The following COL20A1 variants were observed in gnomAD, a reference collection of about 807,000 sequenced individuals.
COL20A1 encodes collagen type XX alpha 1 chain, also known as collagen alpha-1(XX) chain.
COL20A1 carries 164 observed loss-of-function variants against 152.9 expected under a neutral mutation model. The ratio of observed to expected loss-of-function variants is 1.07; its 90% confidence interval spans 0.94 to 1.22. COL20A1 has a LOEUF of 1.22. Among genes scored for constraint, COL20A1 ranks in the 50% most tolerant of loss-of-function variants. The pLI, the probability that COL20A1 is intolerant of heterozygous loss-of-function variation, is 0.00. For missense variants in COL20A1, 1,873 were observed against 1,744.8 expected (o/e 1.07, Z -1.31); for synonymous variants, 864 against 756.0 (o/e 1.14, Z -2.34).
chr20:63,298,190 C>T (rs2067823145), intron 3 of COL20A1, among the ~76,000 whole-genome samples, 170 bp downstream of exon 3: 1 of 152,260 alleles, frequency 6.6e-6, no homozygotes. Flanking sequence ...TCCCCCGTCA[C>T]ATATGACATG....
At position 63,320,348 on chromosome 20, in the gene COL20A1, T is replaced by C; in HGVS notation, c.3133T>C (p.Cys1045Arg). ...TGACACCTGGGCCGATGAGGACCGGTGCTGTGAGCTCCCTGCCTCGGTGTG... is the reference window on the plus strand; with the variant it reads ...TGACACCTGGGCCGATGAGGACCGGCGCTGTGAGCTCCCTGCCTCGGTGTG... The part of the protein sequence containing the change: ...CSDTWADEDR[C>R]CELPASRDGE... Residue 1045 changes from cysteine (C) to arginine (R), a missense_variant, in exon 25 of 36, where the codon TGC (cysteine) becomes CGC (arginine). By Grantham distance (180) the Cys-to-Arg change is radical. Coordinates refer to ENST00000358894, the MANE Select transcript of COL20A1 (RefSeq NM_020882.4). The C allele has an allele frequency of 6.2e-7, 1 of 1,611,304 alleles. No homozygotes were observed. Among genetic ancestry groups the C allele is most frequent in the Non-Finnish European group, 8.5e-7 (1 of 1,179,834 alleles).
At position 63,312,937 on chromosome 20, in the gene COL20A1, G is replaced by A. The variant is rs2123406192; in HGVS notation, c.2076+3G>A. The A allele has an allele frequency of 6.5e-7, 1 of 1,545,334 alleles. No homozygotes were observed. Among genetic ancestry groups the A allele is most frequent in the East Asian group, 2.4e-5 (1 of 41,018 alleles). ...TGGGAGAGGGGAAGGCTCACGAGGT[G>A]GGCAGGGGTGGGTTTGTCCTTCCGA... is the stretch of plus-strand genomic sequence containing the variant. On this transcript the variant is annotated splice_donor_region_variant and intron_variant, in intron 16 of 35. Coordinates refer to ENST00000358894, the MANE Select transcript of COL20A1 (RefSeq NM_020882.4).
At chr20:63,314,282 C>G in intron 19 of COL20A1, 81 bp downstream of exon 19, 1 of 1,302,100 alleles carries the variant, frequency 7.7e-7, no homozygotes, top group East Asian at 2.5e-5. Flanking sequence ...CAGCTCCAGA[C>G]TCATCCAACC....
At chr20:63,297,004 GCCGCCC>G (rs1223215725) in intron 2 of COL20A1, among the ~76,000 whole-genome samples, 9 of 152,210 alleles carry the variant, frequency 5.9e-5, no homozygotes, top group Non-Finnish European at 8.8e-5. Context: ...CCAGGCCCCT[GCCGCCC>G]CCTCTTCCTC....
rs531068176 is a variant in COL20A1, at chr20:63,313,983, C to T, written c.2359-89C>T. 3.7e-5 allele frequency: 60 copies of T among 1,600,068 alleles called. No individual in the cohort carries two copies. Among genetic ancestry groups the T allele is most frequent in the Non-Finnish European group, 4.8e-5 (56 of 1,173,262 alleles). ...TGTCTGCGAAGGGTGGCAGCTCTGC[C>T]ATGGCGGGACGCAGAGGGAGGCAGC... On this transcript the variant is annotated intron_variant, in intron 18 of 35. Transcript: ENST00000358894. This position sits in a 1 kb window ranked among gnomAD's most constrained non-coding sequence, Gnocchi z 5.9.
chr20:63,330,420 G>C (rs2068318009), intron 35 of COL20A1, among the ~76,000 whole-genome samples: 1 of 152,144 alleles, frequency 6.6e-6, no homozygotes, highest in Admixed American at 6.5e-5. Flanking sequence ...GGTAAGGCTG[G>C]GGCAAGAGGG....
chr20:63,334,668 C>T lies in COL20A1; in HGVS notation c.*3952C>T, dbSNP rs561141185. ...TGAACTTCTGAGCTCAAACGATCCA[C>T]CCTCCTTGGCCTCCCAAAGTGGTGG... On this transcript the variant is annotated 3_prime_UTR_variant, in exon 36 of 36. Transcript: ENST00000358894. 1 of 152,356 alleles carries T rather than the reference C, an allele frequency of 6.6e-6. No homozygotes were observed. The highest frequency in any genetic ancestry group is 2.1e-4 in the South Asian group (1 of 4,830). The allele number at this position is 152,356 out of a possible 1,614,324, so 9.4% of individuals were successfully genotyped here.
chr20:63,327,026 G>GGGACTTCCTGGTGACAGCCCAT (rs1236502738), intron 31 of COL20A1, among the ~76,000 whole-genome samples: 1 of 151,986 alleles, frequency 6.6e-6, no homozygotes, highest in Non-Finnish European at 1.5e-5. Context: ...GACCCCCCTA[G>GGGACTTCCTGGTGACAGCCCAT]GGACTTCCTG....
At chr20:63,324,550 T>C (rs1036053793) in intron 27 of COL20A1, 3 of 152,290 alleles carry the variant, frequency 2.0e-5, no homozygotes, top group African/African-American at 4.8e-5. Context: ...CTAGTGCTGT[T>C]ATGGACATAA....
chr20:63,305,565 G>A lies in COL20A1; in HGVS notation c.337+5G>A, dbSNP rs2067914118. The A allele has an allele frequency of 1.3e-6, 2 of 1,587,586 alleles. No individual in the cohort carries two copies. The highest frequency in any genetic ancestry group is 1.7e-6 in the Non-Finnish European group (2 of 1,168,842). ...TAGCTCGGAGGGAGTTTGTGAGTAA[G>A]TCCACCGTCTGCCAGCTGGGTACCC... On this transcript the variant is annotated splice_donor_5th_base_variant and intron_variant, in intron 4 of 35. Transcript: ENST00000358894. This position sits in a 1 kb window ranked among gnomAD's most constrained non-coding sequence, Gnocchi z 4.9.
In COL20A1 at chr20:63,309,909, C is replaced by T. The variant is rs370343751; in HGVS notation, c.1257C>T (p.Pro419=). The T allele has an allele frequency of 6.3e-7, 1 of 1,599,214 alleles. No individual in the cohort carries two copies. Among genetic ancestry groups the T allele is most frequent in the Admixed American group, 1.7e-5 (1 of 58,660 alleles). Residue 419 remains proline, a synonymous_variant, in exon 10 of 36, where the codon CCC becomes CCT. Transcript: ENST00000358894. The part of the protein sequence containing the change: ...IVWRASRGGT[P]REVVVEGPAA... ...GGCGAGCCTCTAGAGGTGGCACCCC[C>T]AGGGAGGTGAGGGGGCCGGTATACA...
In COL20A1 at chr20:63,326,089, C is replaced by T. The variant is rs761218988; in HGVS notation, c.3403-7C>T. On this transcript the variant is annotated splice_polypyrimidine_tract_variant and splice_region_variant and intron_variant, in intron 29 of 35. Coordinates refer to ENST00000358894, the MANE Select transcript of COL20A1 (RefSeq NM_020882.4). ...CCCACCCAGCTTGCGCCTTCCTTTG[C>T]CATCAGGGAATGAGAGGCCTGGAGG... The T allele has an allele frequency of 3.7e-6, 6 of 1,612,480 alleles. No individual in the cohort carries two copies. Among genetic ancestry groups the T allele is most frequent in the Non-Finnish European group, 5.1e-6 (6 of 1,179,418 alleles).
chr20:63,329,605 C>T lies in COL20A1; in HGVS notation c.3802C>T (p.Gln1268Ter), dbSNP rs1199214528. 1.2e-6 allele frequency: 2 copies of T among 1,609,116 alleles called. No homozygotes were observed. Among genetic ancestry groups the T allele is most frequent in the Admixed American group, 1.7e-5 (1 of 59,882 alleles). Residue 1268 changes from glutamine (Q) to a stop codon, truncating the protein, a stop_gained, in exon 35 of 36, where the codon CAG becomes TAG. Transcript: ENST00000358894. LOFTEE classifies it high-confidence loss of function. ...CGCAGGGGAGCCTGGAGCTGTTGGT[C>T]AGATGGGCAGCCCTGGGCAGCAGGG... ...EGRGEPGAVG[Q>*]MGSPGQQGAS...
At chr20:63,325,868 C>A in intron 29 of COL20A1, 147 bp downstream of exon 29, 1 of 820,062 alleles carries the variant, frequency 1.2e-6, no homozygotes, top group Non-Finnish European at 2.0e-6. Context: ...CCCCCTTCAG[C>A]CTGTGGCCTG....
Position 63,305,333 on chromosome 20 carries a change from A to C in COL20A1, c.194-84A>C. ...GGGAGCAGCTGGGGTGGGGAGGAGG[A>C]GCCAAGAGGGTTTCACTCCCCGCCG... On this transcript the variant is annotated intron_variant, in intron 3 of 35. Transcript: ENST00000358894. The surrounding 1 kb of genome is among the most constrained non-coding windows in gnomAD (Gnocchi z 4.9). The C allele has an allele frequency of 1.7e-6, 2 of 1,159,762 alleles. No homozygotes were observed. Among genetic ancestry groups the C allele is most frequent in the South Asian group, 2.4e-5 (1 of 41,300 alleles). 71.8% of individuals were successfully genotyped at this position (1,159,762 alleles called of 1,614,324 possible).
chr20:63,330,246 AGGT>A (rs1568793041), intron 35 of COL20A1, among the ~76,000 whole-genome samples: 2 of 152,126 alleles, frequency 1.3e-5, no homozygotes, highest in Non-Finnish European at 2.9e-5. Flanking sequence ...TCCCAGGAGC[AGGT>A]GGTGGGTACA....
rs940231500 is a variant in COL20A1, at chr20:63,319,876, AG to A, written c.2917-156del. On this transcript the variant is annotated intron_variant, in intron 23 of 35. Coordinates refer to ENST00000358894, the MANE Select transcript of COL20A1 (RefSeq NM_020882.4). The surrounding 1 kb of genome is among the most constrained non-coding windows in gnomAD (Gnocchi z 4.4). The stretch of plus-strand genomic sequence containing the variant: ...ACAGAGGGGAAGCCGAGGCCCAGCA[AG>A]GGGGGGTTCTCCCAGGGTCCCCCGA... Among the ~76,000 whole-genome samples the A allele has an allele frequency of 2.0e-5, 3 of 152,110 alleles. No homozygotes were observed. The highest frequency in any genetic ancestry group is 7.2e-5 in the African/African-American group (3 of 41,522).
chr20:63,295,764 C>T (rs908066816), intron 2 of COL20A1, among the ~76,000 whole-genome samples: 2 of 152,262 alleles, frequency 1.3e-5, no homozygotes, highest in African/African-American at 2.4e-5. Context: ...CCTGTCTGAG[C>T]AGCTTCTTCC....
In COL20A1 at chr20:63,308,774, A is replaced by T; in HGVS notation, c.940+68A>T. The T allele has an allele frequency of 3.6e-6, 5 of 1,375,932 alleles. No homozygotes were observed. In the South Asian group the frequency reaches 7.3e-5, roughly 20 times the overall value. 85.2% of individuals were successfully genotyped at this position (1,375,932 alleles called of 1,614,324 possible). ...GGGTGGGTTTAGGGTCGCAGCAGGG[A>T]GCTTGCATTGGGCACCTGGTCCCTG... On this transcript the variant is annotated intron_variant, in intron 8 of 35. Transcript: ENST00000358894.
Sources: allele counts gnomAD v4.1 joint callset (sites outside exome capture counted in the v4.1 genomes callset), GRCh38; gene constraint gnomAD v4.1.1; non-coding constraint Gnocchi (gnomAD v3.1); transcripts MANE v1.5; gene names NCBI Gene and HGNC (gene_info 2026-07-23, HGNC 2026-07-21).